ARSG: variants seen among roughly 807,000 people sequenced by gnomAD.
ARSG encodes the protein arylsulfatase G, also known as ASG.
In ARSG, 37 loss-of-function variants were observed where a neutral mutation model predicts 50.5. That is an observed-to-expected ratio of 0.73 (90% confidence interval 0.56 to 0.96). The LOEUF is 0.96. Ranked by LOEUF, ARSG falls within the 50% of genes least tolerant of loss-of-function variation. ARSG has a pLI of 0.00. For missense variants in ARSG, 629 were observed against 675.3 expected, an observed-to-expected ratio of 0.93 and a Z score of 0.76; for synonymous variants, 225 against 254.6, an observed-to-expected ratio of 0.88 and a Z score of 1.11.
chr17:68,322,441 A>G (rs914984630), intron 2 of ARSG, among the ~76,000 whole-genome samples: 16 of 152,208 alleles, frequency 1.1e-4, no homozygotes, highest in Admixed American at 9.8e-4. Context: ...ATCCTGGCCA[A>G]CCCCATCTCT....
chr17:68,272,417 G>A, intron 1 of ARSG, among the ~76,000 whole-genome samples: 1 of 152,188 alleles, frequency 6.6e-6, no homozygotes, highest in East Asian at 1.9e-4. Flanking sequence ...CTGCATATGT[G>A]CCCAGTTAGG....
intron 2 of ARSG, among the ~76,000 whole-genome samples, chr17:68,311,904 G>A (rs1022319575): frequency 4.6e-5 from 7 of 150,666 alleles, no homozygotes; most frequent in Admixed American, 1.3e-4. Context: ...AGGTTCAAGC[G>A]ATTCTCCAGC....
At chr17:68,363,880 G>A (rs1311565569) in intron 6 of ARSG, among the ~76,000 whole-genome samples, 1 of 152,184 alleles carries the variant, frequency 6.6e-6, no homozygotes, top group Non-Finnish European at 1.5e-5. Flanking sequence ...CGGGGGACAA[G>A]TGGTTATTGC....
At chr17:68,304,328 A>G (rs1452968263) in intron 1 of ARSG, among the ~76,000 whole-genome samples, 2 of 152,256 alleles carry the variant, frequency 1.3e-5, no homozygotes, top group Non-Finnish European at 1.5e-5. Flanking sequence ...CTTAAGATCA[A>G]CAAATACCAG....
chr17:68,296,709 A>G (rs1337745624), intron 1 of ARSG, among the ~76,000 whole-genome samples: 1 of 151,890 alleles, frequency 6.6e-6, no homozygotes, highest in African/African-American at 2.4e-5. Context: ...TCCATAGCCC[A>G]CTCGTGAGCA....
chr17:68,377,082 G>A (rs2080187725), intron 8 of ARSG, among the ~76,000 whole-genome samples: 1 of 152,104 alleles, frequency 6.6e-6, no homozygotes, highest in Non-Finnish European at 1.5e-5. Context: ...GGCTGGCCTT[G>A]AACTCCTGAC....
intron 1 of ARSG, among the ~76,000 whole-genome samples, chr17:68,270,480 G>A (rs1326889714): frequency 1.3e-5 from 2 of 151,894 alleles, no homozygotes; most frequent in Non-Finnish European, 2.9e-5. Context: ...CTTGAATCTG[G>A]GAGGTGGAGG....
intron 11 of ARSG, chr17:68,414,058 C>A (rs367827403): frequency 6.4e-6 from 1 of 157,348 alleles, no homozygotes; most frequent in Non-Finnish European, 1.4e-5. Context: ...GATGGAAATG[C>A]AGAAATCACC....
At chr17:68,305,624 T>G (rs1424703929) in intron 1 of ARSG, among the ~76,000 whole-genome samples, 3 of 152,200 alleles carry the variant, frequency 2.0e-5, no homozygotes, top group African/African-American at 4.8e-5. Flanking sequence ...ATGAAAAAAA[T>G]TTTTTGAAAT....
chr17:68,272,644 G>A (rs1555749354), intron 1 of ARSG: 4 of 1,613,970 alleles, frequency 2.5e-6, no homozygotes, highest in Non-Finnish European at 3.4e-6. Flanking sequence ...CCTACCTGGT[G>A]CGAAAGCAAA....
intron 2 of ARSG, among the ~76,000 whole-genome samples, chr17:68,316,973 C>G (rs1355606041): frequency 6.6e-6 from 1 of 152,104 alleles, no homozygotes; most frequent in Non-Finnish European, 1.5e-5. Flanking sequence ...GACCAAATCC[C>G]CAAGTCAACA....
intron 8 of ARSG, among the ~76,000 whole-genome samples, chr17:68,373,420 G>A (rs113234954): frequency 0.023 from 3,427 of 151,170 alleles, 127 homozygotes; most frequent in African/African-American, 0.076. Flanking sequence ...GTTGAGATGG[G>A]GTTTCTCCAT....
At chr17:68,398,279 A>C (rs755856426) in intron 10 of ARSG, among the ~76,000 whole-genome samples, 1 of 152,228 alleles carries the variant, frequency 6.6e-6, no homozygotes, top group Non-Finnish European at 1.5e-5. Context: ...ATGTCTATGC[A>C]CATATATGTA....
At chr17:68,302,522 C>T (rs1191221014) in intron 1 of ARSG, among the ~76,000 whole-genome samples, 2 of 152,184 alleles carry the variant, frequency 1.3e-5, no homozygotes, top group East Asian at 1.9e-4. Context: ...TGTTTTCAGA[C>T]ACTGCTCAGC....
intron 9 of ARSG, among the ~76,000 whole-genome samples, chr17:68,392,507 A>T (rs1568567477): frequency 6.6e-6 from 1 of 151,714 alleles, no homozygotes; most frequent in Non-Finnish European, 1.5e-5. Context: ...TTATTTATTT[A>T]TTTATTTTTG....
chr17:68,300,589 C>T (rs2076375838), intron 1 of ARSG, among the ~76,000 whole-genome samples: 1 of 152,086 alleles, frequency 6.6e-6, no homozygotes, highest in South Asian at 2.1e-4. Context: ...TTCAGAGGTC[C>T]ATCTCCTCTC....
chr17:68,326,906 GT>G (rs1315733230), intron 2 of ARSG, among the ~76,000 whole-genome samples: 2 of 152,212 alleles, frequency 1.3e-5, no homozygotes, highest in African/African-American at 4.8e-5. Flanking sequence ...TGTGGAAGGA[GT>G]GGCCAGAGAA....
At chr17:68,340,892 G>T (rs1435254260) in intron 2 of ARSG, among the ~76,000 whole-genome samples, 1 of 151,984 alleles carries the variant, frequency 6.6e-6, no homozygotes, top group Non-Finnish European at 1.5e-5. Context: ...AGTTCATAAT[G>T]ACTTCTATAT....
upstream of ARSG, chr17:68,291,008 C>T (rs2075966774): frequency 6.6e-6 from 1 of 152,122 alleles, no homozygotes; most frequent in Non-Finnish European, 1.5e-5. Context: ...AAAAAAAGGC[C>T]CCAACACATA....
Sources: allele counts gnomAD v4.1 joint callset (sites outside exome capture counted in the v4.1 genomes callset), GRCh38; gene constraint gnomAD v4.1.1; transcripts MANE v1.5; gene names NCBI Gene and HGNC (gene_info 2026-07-23, HGNC 2026-07-21).